Variants in ANKRD36C observed in about 807,000 individuals in gnomAD.
ANKRD36C encodes the protein ankyrin repeat domain-containing protein 36C.
ANKRD36C carries 61 observed loss-of-function variants against 276.4 expected under a neutral mutation model. The observed-to-expected ratio is 0.22, with a 90% CI of 0.18 to 0.27. The LOEUF (loss-of-function observed/expected upper bound fraction) is 0.27, where lower values mean the gene tolerates loss of function less well. Ranked by LOEUF, ANKRD36C falls within the 10% of genes least tolerant of loss-of-function variation. The pLI, the probability that ANKRD36C is intolerant of heterozygous loss-of-function variation, is 1.00. For missense variants in ANKRD36C, 1,447 were observed against 2,032.3 expected (o/e 0.71, Z 5.54); for synonymous variants, 483 against 680.1 (o/e 0.71, Z 4.51).
At chr2:95,971,543 A>T (rs977798175) in intron 6 of ANKRD36C, among the ~76,000 whole-genome samples, 3 of 152,122 alleles carry the variant, frequency 2.0e-5, no homozygotes, top group African/African-American at 7.2e-5. Flanking sequence ...TATTACTAAT[A>T]TATTGCTATA....
At chr2:95,946,156 G>GAAAAAAAAAAAAAA (rs56964568) in intron 17 of ANKRD36C, among the ~76,000 whole-genome samples, 23 of 73,298 alleles carry the variant, frequency 3.1e-4, no homozygotes, top group East Asian at 4.4e-4. Context: ...ACAGAGAGAG[G>GAAAAAAAAAAAAAA]AAAAAAAAAA....
At chr2:95,991,419 G>A (rs1316729827) in intron 1 of ANKRD36C, 93 bp downstream of exon 1, 3 of 306,844 alleles carry the variant, frequency 9.8e-6, no homozygotes, top group African/African-American at 6.7e-5. Context: ...CCCGAGCCCC[G>A]GACCATCCGC....
intron 59 of ANKRD36C, among the ~76,000 whole-genome samples, chr2:95,875,728 A>AAAGG (rs1340358682): frequency 1.3e-5 from 2 of 152,184 alleles, no homozygotes; most frequent in Non-Finnish European, 2.9e-5. Flanking sequence ...TTTAATGCAA[A>AAAGG]TTAAACATTG....
At chr2:95,874,875 C>G (rs1032921061) in intron 59 of ANKRD36C, among the ~76,000 whole-genome samples, 5 of 152,132 alleles carry the variant, frequency 3.3e-5, no homozygotes, top group East Asian at 1.9e-4. Flanking sequence ...CAAAGGATAT[C>G]AACAGACACT....
chr2:95,972,927 A>T (rs573673723), intron 6 of ANKRD36C, among the ~76,000 whole-genome samples: 1 of 152,304 alleles, frequency 6.6e-6, no homozygotes, highest in African/African-American at 2.4e-5. Context: ...ATTGTCTTCA[A>T]CTCACCAAGG....
chr2:95,968,922 A>G (rs1175692815), intron 6 of ANKRD36C, among the ~76,000 whole-genome samples: 4 of 152,208 alleles, frequency 2.6e-5, no homozygotes, highest in Non-Finnish European at 5.9e-5. Flanking sequence ...AAAGAGATGC[A>G]TAGTGCAAGA....
chr2:95,927,466 T>C lies in ANKRD36C; in HGVS notation c.1838-57A>G. On this transcript the variant is annotated intron_variant, in intron 26 of 66. Coordinates refer to ENST00000456556, the Ensembl canonical transcript of ANKRD36C. Reference sequence around the variant, plus strand: ...CATGTACATATGATAAATTTATCCATACATTCATGAAGTGTTAGCATCAAA... The same window carrying C: ...CATGTACATATGATAAATTTATCCACACATTCATGAAGTGTTAGCATCAAA... 4 of 1,601,598 alleles carry C rather than the reference T, an allele frequency of 2.5e-6. No homozygotes were observed. In the South Asian group the frequency reaches 4.4e-5, roughly 18 times the overall value.
At chr2:95,884,695 T>C (rs1358904114) in intron 52 of ANKRD36C, among the ~76,000 whole-genome samples, 1 of 152,048 alleles carries the variant, frequency 6.6e-6, no homozygotes, top group Non-Finnish European at 1.5e-5. Flanking sequence ...ACTCATACAA[T>C]TGAGAATCAA....
At chr2:95,959,327 T>A (rs892806068) in intron 10 of ANKRD36C, among the ~76,000 whole-genome samples, 22 of 152,098 alleles carry the variant, frequency 1.4e-4, no homozygotes, top group Non-Finnish European at 3.1e-4. Flanking sequence ...CTTAAATATA[T>A]GTTTGGTGAA....
At chr2:95,960,491 C>T in exon 10 of ANKRD36C, 5 of 1,537,676 alleles carry the variant, frequency 3.3e-6, no homozygotes, top group Non-Finnish European at 4.4e-6. Flanking sequence ...GATTTTTGTT[C>T]ATCTTTTATT....
At chr2:95,917,122 A>G (rs1057058514) in intron 36 of ANKRD36C, among the ~76,000 whole-genome samples, 2 of 151,632 alleles carry the variant, frequency 1.3e-5, no homozygotes, top group African/African-American at 4.8e-5. Flanking sequence ...TTCATATTCA[A>G]GTTTATCTCA....
chr2:95,867,645 C>T (rs1675710051), intron 59 of ANKRD36C, 64 bp from the exon 80 acceptor site: 6 of 1,521,472 alleles, frequency 3.9e-6, no homozygotes, highest in Non-Finnish European at 5.3e-6. Context: ...ACAAAATGTA[C>T]AGAAGTGGGA....
chr2:95,943,397 A>G (rs1252901359), intron 19 of ANKRD36C, among the ~76,000 whole-genome samples: 1 of 151,382 alleles, frequency 6.6e-6, no homozygotes, highest in East Asian at 1.9e-4. Flanking sequence ...AGGCAGGAGA[A>G]TGGCGTGAAC....
intron 58 of ANKRD36C, among the ~76,000 whole-genome samples, chr2:95,879,041 C>T (rs1676016288): frequency 6.6e-6 from 1 of 152,138 alleles, no homozygotes; most frequent in East Asian, 1.9e-4. Flanking sequence ...CCACAATAGC[C>T]ATAATTTGGA....
At chr2:95,948,377 C>A (rs75035470) in intron 17 of ANKRD36C, among the ~76,000 whole-genome samples, 153 bp downstream of exon 17, 1 of 139,118 alleles carries the variant, frequency 7.2e-6, no homozygotes, top group Non-Finnish European at 1.6e-5. Context: ...TTAAAATTAA[C>A]CCCCCCTATT....
intron 20 of ANKRD36C, among the ~76,000 whole-genome samples, chr2:95,939,654 G>A (rs974833086): frequency 1.0e-4 from 15 of 145,738 alleles, no homozygotes; most frequent in African/African-American, 3.2e-4. Flanking sequence ...GCAGTGAGCC[G>A]AGATCCCGCC....
At position 95,891,569 on chromosome 2, in the gene ANKRD36C, G is replaced by A. The variant is rs1460957499; in HGVS notation, c.2857+96C>T. ...AATCTCAGGACTGCTGTATCAGAAT[G>A]TGCAGCTTCAACGAACCCCCCGCTG... is the stretch of plus-strand genomic sequence containing the variant. On this transcript the variant is annotated intron_variant, in intron 46 of 66. Coordinates refer to ENST00000456556, the Ensembl canonical transcript of ANKRD36C. 11 of 1,395,230 alleles carry A rather than the reference G, an allele frequency of 7.9e-6. No homozygotes were observed. In the African/African-American group the frequency reaches 1.5e-4, roughly 18 times the overall value. The allele number at this position is 1,395,230 out of a possible 1,614,324, so 86.4% of individuals were successfully genotyped here.
intron 4 of ANKRD36C, 33 bp from the exon 5 acceptor site, chr2:95,980,818 A>G: frequency 1.9e-6 from 3 of 1,549,316 alleles, no homozygotes; most frequent in South Asian, 1.2e-5. Context: ...AAAAACTTTA[A>G]TGACATTTTA....
chr2:95,927,664 G>A (rs1677444838), intron 26 of ANKRD36C, among the ~76,000 whole-genome samples: 1 of 151,502 alleles, frequency 6.6e-6, no homozygotes, highest in African/African-American at 2.4e-5. Flanking sequence ...AAATAAAACC[G>A]TGTCAATATC....
Sources: allele counts gnomAD v4.1 joint callset (sites outside exome capture counted in the v4.1 genomes callset), GRCh38; gene constraint gnomAD v4.1.1; transcripts MANE v1.5; gene names NCBI Gene and HGNC (gene_info 2026-07-23, HGNC 2026-07-21).